PAPPA2: variants seen among roughly 807,000 people sequenced by gnomAD.
PAPPA2 encodes pappalysin 2.
In PAPPA2, 86 loss-of-function variants were observed where a neutral mutation model predicts 176.4. The observed-to-expected ratio is 0.49, with a 90% CI of 0.41 to 0.58. The LOEUF (loss-of-function observed/expected upper bound fraction) is 0.58. PAPPA2 is among the 20% of genes least tolerant of loss of function. PAPPA2 has a pLI of 0.00. For synonymous variants in PAPPA2, 809 were observed against 852.2 expected (o/e 0.95, Z 0.88); for missense variants, 2,073 against 2,256.9 (o/e 0.92, Z 1.65).
intron 1 of PAPPA2, among the ~76,000 whole-genome samples, chr1:176,471,509 G>T (rs7536647): frequency 0.22 from 33,100 of 151,922 alleles, 6,797 homozygotes; most frequent in African/African-American, 0.54. Context: ...GCAAGCACTC[G>T]GTTAACCATC....
chr1:176,654,925 C>G (rs1430169815), intron 3 of PAPPA2, among the ~76,000 whole-genome samples: 1 of 151,700 alleles, frequency 6.6e-6, no homozygotes, highest in Non-Finnish European at 1.5e-5. Context: ...AATTTTGTAT[C>G]CTAAAGCTTT....
In PAPPA2 at chr1:176,769,802, A is replaced by G. The variant is rs1011157598; in HGVS notation, c.4501+18A>G. The G allele has an allele frequency of 1.6e-5, 26 of 1,579,754 alleles. No individual in the cohort carries two copies. The highest frequency in any genetic ancestry group is 5.5e-5 in the African/African-American group (4 of 73,234). On this transcript the variant is annotated intron_variant, in intron 16 of 22. Coordinates refer to ENST00000367662, the MANE Select transcript of PAPPA2 (RefSeq NM_020318.3). ...GCTGCAAGGTATTGTCTGGTCAACC[A>G]GGAACTGTATGCAAGTTCTCTGCCA...
chr1:176,485,688 A>T (rs1263973620), intron 1 of PAPPA2, among the ~76,000 whole-genome samples: 1 of 152,182 alleles, frequency 6.6e-6, no homozygotes. Flanking sequence ...TTTGCCACTG[A>T]TGCATTCTTA....
chr1:176,742,816 C>T (rs1471846029), intron 14 of PAPPA2, among the ~76,000 whole-genome samples: 1 of 152,184 alleles, frequency 6.6e-6, no homozygotes, highest in Admixed American at 6.6e-5. Context: ...CTACCTCCTT[C>T]TTACCCCTTA....
At chr1:176,835,276 CTTCAT>C (rs2102988217) in intron 21 of PAPPA2, among the ~76,000 whole-genome samples, 1 of 152,144 alleles carries the variant, frequency 6.6e-6, no homozygotes, top group East Asian at 1.9e-4. Context: ...CTTTTTAAGG[CTTCAT>C]TTCATCATTT....
chr1:176,674,613 A>C (rs1299423538), intron 4 of PAPPA2, among the ~76,000 whole-genome samples: 4 of 152,034 alleles, frequency 2.6e-5, no homozygotes, highest in Non-Finnish European at 5.9e-5. Flanking sequence ...ATGGCTGAGT[A>C]GTATTCTATG....
intron 12 of PAPPA2, among the ~76,000 whole-genome samples, chr1:176,735,150 C>A (rs1458082267): frequency 6.6e-6 from 1 of 151,956 alleles, no homozygotes; most frequent in Non-Finnish European, 1.5e-5. Flanking sequence ...TACTGTTGTT[C>A]AAAAATATCA....
At chr1:176,635,166 T>A (rs1426999320) in intron 3 of PAPPA2, among the ~76,000 whole-genome samples, 2 of 152,130 alleles carry the variant, frequency 1.3e-5, no homozygotes, top group East Asian at 3.9e-4. Flanking sequence ...TCAGGTTTTT[T>A]TCACCCTGAC....
At chr1:176,612,001 C>A (rs1654953728) in intron 3 of PAPPA2, among the ~76,000 whole-genome samples, 1 of 152,130 alleles carries the variant, frequency 6.6e-6, no homozygotes, top group Non-Finnish European at 1.5e-5. Flanking sequence ...TTACAACATA[C>A]CTTTTTGCAG....
Position 176,771,195 on chromosome 1 carries a change from C to T in PAPPA2, c.4715+15C>T. ...AAAGTCAGGAAGTAAGTTGAATGTT[C>T]CTGGTCTTTGGAGTTCTACCTACCT... On this transcript the variant is annotated intron_variant, in intron 17 of 22. Coordinates refer to ENST00000367662, the MANE Select transcript of PAPPA2 (RefSeq NM_020318.3). The T allele has an allele frequency of 6.2e-7, 1 of 1,611,486 alleles. No homozygotes were observed. Among genetic ancestry groups the T allele is most frequent in the Non-Finnish European group, 8.5e-7 (1 of 1,177,752 alleles).
chr1:176,802,970 T>C (rs1015472583), intron 21 of PAPPA2, among the ~76,000 whole-genome samples: 1 of 152,232 alleles, frequency 6.6e-6, no homozygotes, highest in Non-Finnish European at 1.5e-5. Context: ...TGTGTTCCCA[T>C]TGTCCCAGCA....
chr1:176,811,576 T>C (rs1230752662), intron 21 of PAPPA2, among the ~76,000 whole-genome samples: 4 of 152,266 alleles, frequency 2.6e-5, no homozygotes, highest in South Asian at 4.2e-4. Flanking sequence ...ATGGTGTAGG[T>C]CCTTACAAAT....
intron 3 of PAPPA2, among the ~76,000 whole-genome samples, chr1:176,615,181 AT>A (rs1229314805): frequency 6.6e-6 from 1 of 152,044 alleles, no homozygotes; most frequent in African/African-American, 2.4e-5. Flanking sequence ...GCTCCCTCCC[AT>A]TTTTTTCTCA....
chr1:176,629,686 A>C (rs954832124), intron 3 of PAPPA2, among the ~76,000 whole-genome samples: 2 of 152,180 alleles, frequency 1.3e-5, no homozygotes, highest in African/African-American at 4.8e-5. Flanking sequence ...TTTCATTCAT[A>C]TATTCACCCT....
intron 1 of PAPPA2, among the ~76,000 whole-genome samples, chr1:176,550,484 G>C (rs1261664342): frequency 1.3e-5 from 2 of 152,156 alleles, no homozygotes; most frequent in Non-Finnish European, 2.9e-5. Flanking sequence ...CAGCCAAAGG[G>C]CTCCACGAGC....
chr1:176,599,551 T>C (rs7550530), intron 3 of PAPPA2, among the ~76,000 whole-genome samples: 23,250 of 149,146 alleles, frequency 0.16, 1,976 homozygotes, highest in Middle Eastern at 0.22. Context: ...TATCTTTCAA[T>C]GCTTTTATTT....
chr1:176,655,212 A>G (rs1352025104), intron 3 of PAPPA2, among the ~76,000 whole-genome samples: 1 of 151,806 alleles, frequency 6.6e-6, no homozygotes, highest in Non-Finnish European at 1.5e-5. Context: ...TGGTTTTGTC[A>G]TATATGACTT....
At chr1:176,484,683 G>T (rs550605830) in intron 1 of PAPPA2, among the ~76,000 whole-genome samples, 1 of 152,096 alleles carries the variant, frequency 6.6e-6, no homozygotes, top group African/African-American at 2.4e-5. Flanking sequence ...TTGATTTCTA[G>T]CATTTCTTCT....
rs576011199 is a variant in PAPPA2 at position 176,785,527 on chromosome 1, CT to C, written c.4716-4281del. On this transcript the variant is annotated intron_variant, in intron 17 of 22. Coordinates refer to ENST00000367662, the MANE Select transcript of PAPPA2 (RefSeq NM_020318.3). The stretch of plus-strand genomic sequence containing the variant: ...GAGGCTGAGAGGGGCAAAGGAACCC[CT>C]GCAGAAAGAAAACAGAATTTCCTAG... 2.4e-3 allele frequency among the ~76,000 whole-genome samples: 363 copies of C among 152,236 alleles called. 1 individual carries two copies. Among genetic ancestry groups the C allele is most frequent in the African/African-American group, 8.4e-3 (351 of 41,552 alleles).
Sources: allele counts gnomAD v4.1 joint callset (sites outside exome capture counted in the v4.1 genomes callset), GRCh38; gene constraint gnomAD v4.1.1; transcripts MANE v1.5; gene names NCBI Gene and HGNC (gene_info 2026-07-23, HGNC 2026-07-21).